Variants in GRIK1 observed in about 807,000 individuals in gnomAD.
GRIK1 encodes glutamate ionotropic receptor kainate type subunit 1, also known as glutamate receptor ionotropic, kainate 1.
In GRIK1, 69 loss-of-function variants were observed where a neutral mutation model predicts 105.7. That is an observed-to-expected ratio of 0.65 (90% CI 0.54 to 0.80). The LOEUF (loss-of-function observed/expected upper bound fraction) is 0.80, where lower values mean the gene tolerates loss of function less well. GRIK1 is among the 30% of genes least tolerant of loss of function. The pLI, the probability that GRIK1 is intolerant of heterozygous loss-of-function variation, is 0.00. For synonymous variants in GRIK1, 438 were observed against 431.3 expected (o/e 1.02, Z -0.19); for missense variants, 1,109 against 1,167.3 (o/e 0.95, Z 0.73).
intron 1 of GRIK1, among the ~76,000 whole-genome samples, chr21:29,741,720 AT>A (rs1395465629): frequency 1.3e-5 from 2 of 152,220 alleles, no homozygotes; most frequent in East Asian, 3.8e-4. Context: ...GAACATGACC[AT>A]TTTTATTAAA....
intron 1 of GRIK1, among the ~76,000 whole-genome samples, chr21:29,920,925 A>T (rs1411446681): frequency 6.6e-6 from 1 of 151,446 alleles, no homozygotes. Context: ...CTGAGAATAG[A>T]TGATTGATGG....
chr21:29,799,858 A>G (rs2066656693), intron 1 of GRIK1, among the ~76,000 whole-genome samples: 1 of 152,186 alleles, frequency 6.6e-6, no homozygotes, highest in African/African-American at 2.4e-5. Context: ...GACAACATTT[A>G]TATTCAAGTA....
chr21:29,693,924 A>AAGGTTAATTCTCTGGATGTCAT lies in GRIK1; in HGVS notation c.236_257dup (p.Phe87Ter). On this transcript the variant is annotated stop_gained and frameshift_variant, in exon 2 of 18. Transcript: ENST00000327783. LOFTEE classifies it high-confidence loss of function. ...TCCGCGAGGCTTCAAAACTATCAAAAAGGTTAATTCTCTGGATGTCATAGG... is the reference window on the plus strand; with the variant it reads ...TCCGCGAGGCTTCAAAACTATCAAAAAGGTTAATTCTCTGGATGTCATAGGTTAATTCTCTGGATGTCATAGG... 6.2e-7 allele frequency: 1 copy of AAGGTTAATTCTCTGGATGTCAT among 1,613,430 alleles called. No individual in the cohort carries two copies. Among genetic ancestry groups the AAGGTTAATTCTCTGGATGTCAT allele is most frequent in the Non-Finnish European group, 8.5e-7 (1 of 1,179,530 alleles).
At chr21:29,686,633 T>C (rs1259766523) in intron 3 of GRIK1, among the ~76,000 whole-genome samples, 1 of 152,186 alleles carries the variant, frequency 6.6e-6, no homozygotes, top group Non-Finnish European at 1.5e-5. Flanking sequence ...GGTCCATTCG[T>C]TTACATATTG....
chr21:29,807,380 T>C (rs145948536), intron 1 of GRIK1, among the ~76,000 whole-genome samples: 149 of 152,186 alleles, frequency 9.8e-4, no homozygotes, highest in African/African-American at 3.5e-3. Flanking sequence ...CAACTGTAAC[T>C]TGGGTTGTGA....
At chr21:29,886,625 G>T (rs1336083747) in intron 1 of GRIK1, among the ~76,000 whole-genome samples, 3 of 152,086 alleles carry the variant, frequency 2.0e-5, no homozygotes, top group Middle Eastern at 3.4e-3. Flanking sequence ...TAACTTTAAG[G>T]GTAAGTTCAA....
At chr21:29,627,779 G>A (rs1220982343) in intron 7 of GRIK1, among the ~76,000 whole-genome samples, 2 of 152,162 alleles carry the variant, frequency 1.3e-5, no homozygotes, top group Non-Finnish European at 2.9e-5. Context: ...CATTAATTAA[G>A]GTAATCATTC....
At chr21:29,802,894 C>T (rs1449201699) in intron 1 of GRIK1, among the ~76,000 whole-genome samples, 1 of 152,076 alleles carries the variant, frequency 6.6e-6, no homozygotes, top group African/African-American at 2.4e-5. Context: ...TTGCATGTTC[C>T]TTGAGGGAGG....
chr21:29,773,342 C>T (rs2065861294), intron 1 of GRIK1, among the ~76,000 whole-genome samples: 1 of 152,136 alleles, frequency 6.6e-6, no homozygotes, highest in African/African-American at 2.4e-5. Context: ...AATAGTATTT[C>T]AAAATAAGCA....
chr21:29,584,391 A>G (rs1054813957), intron 12 of GRIK1, among the ~76,000 whole-genome samples: 1 of 152,210 alleles, frequency 6.6e-6, no homozygotes, highest in Admixed American at 6.5e-5. Context: ...CAGACATTCT[A>G]TCTGGATATT....
At chr21:29,831,525 A>AATCATG (rs1363639192) in intron 1 of GRIK1, among the ~76,000 whole-genome samples, 4 of 152,298 alleles carry the variant, frequency 2.6e-5, no homozygotes, top group African/African-American at 9.6e-5. Flanking sequence ...GGAAACTTTC[A>AATCATG]ATCATGGCGG....
chr21:29,910,769 G>A (rs1413004563), intron 1 of GRIK1, among the ~76,000 whole-genome samples: 1 of 32,502 alleles, frequency 3.1e-5, no homozygotes, highest in African/African-American at 1.2e-4. Context: ...TCATATGCTT[G>A]TAGTAATTTT....
At chr21:29,706,898 T>G (rs2146792294) in intron 1 of GRIK1, among the ~76,000 whole-genome samples, 1 of 152,240 alleles carries the variant, frequency 6.6e-6, no homozygotes, top group South Asian at 2.1e-4. Flanking sequence ...GGAGTCTCGC[T>G]CTGTTGCCCA....
chr21:29,857,951 G>A (rs1445169367), intron 1 of GRIK1, among the ~76,000 whole-genome samples: 1 of 152,162 alleles, frequency 6.6e-6, no homozygotes, highest in African/African-American at 2.4e-5. Context: ...CCAGTCTGGA[G>A]TGCGGTGTCA....
At chr21:29,927,674 C>T (rs1008637203) in intron 1 of GRIK1, among the ~76,000 whole-genome samples, 17 of 151,686 alleles carry the variant, frequency 1.1e-4, no homozygotes, top group African/African-American at 3.9e-4. Context: ...AGATCGAGAC[C>T]ACCCTGGCCA....
chr21:29,711,341 T>G (rs2146815450), intron 1 of GRIK1, among the ~76,000 whole-genome samples: 1 of 152,306 alleles, frequency 6.6e-6, no homozygotes, highest in South Asian at 2.1e-4. Flanking sequence ...ACTGCACAGG[T>G]TTGCAGCCTA....
chr21:29,803,449 G>T (rs537199419), intron 1 of GRIK1, among the ~76,000 whole-genome samples: 23 of 152,106 alleles, frequency 1.5e-4, no homozygotes, highest in Non-Finnish European at 2.9e-4. Flanking sequence ...CCTGGAACAG[G>T]ATTCAGAAAA....
At chr21:29,631,534 G>A (rs551909735) in intron 7 of GRIK1, among the ~76,000 whole-genome samples, 11 of 152,296 alleles carry the variant, frequency 7.2e-5, no homozygotes, top group Non-Finnish European at 1.5e-4. Flanking sequence ...AATGCCTTTT[G>A]TTTAAGCCAC....
At chr21:29,724,734 G>A (rs778371990) in intron 1 of GRIK1, among the ~76,000 whole-genome samples, 1 of 152,112 alleles carries the variant, frequency 6.6e-6, no homozygotes, top group Non-Finnish European at 1.5e-5. Context: ...AAGAGCATAT[G>A]TCCTCTAATT....
Sources: allele counts gnomAD v4.1 joint callset (sites outside exome capture counted in the v4.1 genomes callset), GRCh38; gene constraint gnomAD v4.1.1; transcripts MANE v1.5; gene names NCBI Gene and HGNC (gene_info 2026-07-23, HGNC 2026-07-21).